Variants in RARB observed in about 807,000 individuals in gnomAD.
The protein encoded by RARB is retinoic acid receptor beta, also known as HBV-activated protein.
Under a neutral mutation model 51.9 loss-of-function variants are expected in RARB, and 17 were observed. That is an observed-to-expected ratio of 0.33 (90% CI 0.22 to 0.49). The LOEUF (loss-of-function observed/expected upper bound fraction) is 0.49, where lower values mean the gene tolerates loss of function less well. Ranked by LOEUF, RARB falls within the 20% of genes least tolerant of loss-of-function variation. The pLI is 0.99. For missense variants in RARB, 369 were observed against 550.8 expected (o/e 0.67, Z 3.30); for synonymous variants, 215 against 195.4 (o/e 1.10, Z -0.84).
At position 25,329,636 on chromosome 3, in the gene RARB, A is replaced by G. The variant is rs151160775; in HGVS notation, c.179-131557A>G. ...AAAGGAATGCAGCTGCTCGACAGCA[A>G]TGGAACAAAGCTGGATGGAGAATGA... On this transcript the variant is annotated intron_variant, in intron 5 of 11. Transcript: ENST00000383772. 2.1e-3 allele frequency among the ~76,000 whole-genome samples: 325 copies of G among 152,360 alleles called. 1 individual carries two copies. The highest frequency in any genetic ancestry group is 0.012 in the South Asian group (56 of 4,832).
At chr3:25,319,559 A>G (rs759693499) in intron 5 of RARB, among the ~76,000 whole-genome samples, 1 of 152,302 alleles carries the variant, frequency 6.6e-6, no homozygotes, top group Middle Eastern at 3.4e-3. Context: ...AAGAGCTGTC[A>G]GGTACCATAA....
chr3:25,118,004 T>C (rs1187340058), intron 3 of RARB, among the ~76,000 whole-genome samples: 1 of 152,096 alleles, frequency 6.6e-6, no homozygotes, highest in Non-Finnish European at 1.5e-5. Context: ...GTGTCACATA[T>C]TTGACACTGA....
intron 5 of RARB, among the ~76,000 whole-genome samples, chr3:25,201,385 A>G (rs1303513746): frequency 6.6e-6 from 1 of 152,172 alleles, no homozygotes; most frequent in Admixed American, 6.5e-5. Context: ...AACAGGGACA[A>G]TTTGACTTTC....
intron 2 of RARB, among the ~76,000 whole-genome samples, chr3:25,026,013 A>G (rs1157578431): frequency 6.6e-6 from 1 of 152,166 alleles, no homozygotes; most frequent in African/African-American, 2.4e-5. Context: ...GGTAGTCTGC[A>G]TTGCCAGAAC....
chr3:24,864,768 A>C (rs1442631813), intron 2 of RARB, among the ~76,000 whole-genome samples: 1 of 152,204 alleles, frequency 6.6e-6, no homozygotes, highest in Non-Finnish European at 1.5e-5. Flanking sequence ...CAAAGACTAA[A>C]AAATTTACTA....
At chr3:25,331,647 T>C (rs963422657) in intron 5 of RARB, among the ~76,000 whole-genome samples, 3 of 152,126 alleles carry the variant, frequency 2.0e-5, no homozygotes, top group African/African-American at 7.2e-5. Context: ...ATTCAAAAGC[T>C]AGCAGAAGGT....
chr3:25,334,544 G>C (rs781605337), intron 5 of RARB, among the ~76,000 whole-genome samples: 2 of 152,040 alleles, frequency 1.3e-5, no homozygotes, highest in African/African-American at 4.8e-5. Flanking sequence ...TGGAGGGAGC[G>C]GGGAAGGATA....
At chr3:25,153,435 A>G (rs535948000) in intron 4 of RARB, among the ~76,000 whole-genome samples, 2 of 152,246 alleles carry the variant, frequency 1.3e-5, no homozygotes, top group African/African-American at 4.8e-5. Flanking sequence ...TTACCGCCAT[A>G]AAGTACACTG....
chr3:25,374,661 A>G (rs758007614), intron 5 of RARB, among the ~76,000 whole-genome samples: 11 of 152,034 alleles, frequency 7.2e-5, no homozygotes, highest in African/African-American at 9.7e-5. Flanking sequence ...GCCAGAATAG[A>G]TGTTAGCCTC....
At chr3:25,482,879 T>G (rs559380618) in intron 2 of RARB, among the ~76,000 whole-genome samples, 1 of 152,318 alleles carries the variant, frequency 6.6e-6, no homozygotes, top group South Asian at 2.1e-4. Context: ...ATGAAGTTAA[T>G]TTTACTAATA....
At chr3:25,131,363 C>T (rs1027831820) in intron 3 of RARB, among the ~76,000 whole-genome samples, 1 of 152,012 alleles carries the variant, frequency 6.6e-6, no homozygotes, top group Non-Finnish European at 1.5e-5. Context: ...TTGCAGATAT[C>T]GCACTAGAAA....
chr3:25,085,503 C>G (rs151290922), intron 3 of RARB, among the ~76,000 whole-genome samples: 1,906 of 151,682 alleles, frequency 0.013, 39 homozygotes, highest in African/African-American at 0.038. Flanking sequence ...ACCCTCCTTT[C>G]TCTTCCTTCC....
intron 5 of RARB, among the ~76,000 whole-genome samples, chr3:25,385,008 A>C (rs1484730694): frequency 6.6e-6 from 1 of 152,208 alleles, no homozygotes; most frequent in African/African-American, 2.4e-5. Flanking sequence ...ATAAACTCTT[A>C]TATGAGGTCA....
chr3:25,040,092 A>G (rs1031980633), intron 2 of RARB, among the ~76,000 whole-genome samples: 1 of 152,192 alleles, frequency 6.6e-6, no homozygotes, highest in Non-Finnish European at 1.5e-5. Context: ...TGTGGGTTGC[A>G]TGTACATTTT....
In RARB at chr3:25,170,013, GAAAA is replaced by G. The variant is rs34538957; in HGVS notation, c.-279-4098_-279-4095del. ...TTAAAAAAAAAAAAAAAAAAAGAAA[GAAAA>G]AAAAAAAGAAATTGAAGTACTTGCT... On this transcript the variant is annotated intron_variant, in intron 4 of 11. Transcript: ENST00000383772. Among the ~76,000 whole-genome samples the G allele has an allele frequency of 6.1e-3, 802 of 131,570 alleles. 7 individuals are homozygous for G. The highest frequency in any genetic ancestry group is 0.02 in the African/African-American group (753 of 36,818). 86.3% of individuals were successfully genotyped at this position (131,570 alleles called of 152,430 possible).
intron 1 of RARB, among the ~76,000 whole-genome samples, chr3:24,835,424 T>C (rs984799113): frequency 2.6e-5 from 4 of 152,198 alleles, no homozygotes; most frequent in African/African-American, 7.2e-5. Flanking sequence ...CATGTCCATC[T>C]TCACAGGGAT....
intron 2 of RARB, among the ~76,000 whole-genome samples, chr3:24,958,574 T>C (rs1696073552): frequency 6.6e-6 from 1 of 152,192 alleles, no homozygotes; most frequent in Non-Finnish European, 1.5e-5. Context: ...ATCTGTGCTT[T>C]CTTTCAGACT....
intron 5 of RARB, among the ~76,000 whole-genome samples, chr3:25,197,237 T>G (rs1701266183): frequency 6.6e-6 from 1 of 152,164 alleles, no homozygotes; most frequent in South Asian, 2.1e-4. Context: ...TGAATTAATT[T>G]GTGTATAAGG....
chr3:25,553,185 T>A (rs1699916677), intron 3 of RARB, among the ~76,000 whole-genome samples: 1 of 149,794 alleles, frequency 6.7e-6, no homozygotes, highest in African/African-American at 2.5e-5. Flanking sequence ...TTTGAGTAAA[T>A]AAAACACAAC....
Sources: allele counts gnomAD v4.1 joint callset (sites outside exome capture counted in the v4.1 genomes callset), GRCh38; gene constraint gnomAD v4.1.1; transcripts MANE v1.5; gene names NCBI Gene and HGNC (gene_info 2026-07-23, HGNC 2026-07-21).